Variants in SPAG17 observed in about 807,000 individuals in gnomAD.
SPAG17 encodes the protein sperm-associated antigen 17.
Under a neutral mutation model 273.6 loss-of-function variants are expected in SPAG17, and 169 were observed. The ratio of observed to expected loss-of-function variants is 0.62; its 90% CI spans 0.55 to 0.70. The LOEUF (loss-of-function observed/expected upper bound fraction) is 0.70. SPAG17 is among the 30% of genes least tolerant of loss of function. The pLI is 0.00. For missense variants in SPAG17, 2,557 were observed against 2,627.8 expected (o/e 0.97, Z 0.59); for synonymous variants, 825 against 873.2 (o/e 0.94, Z 0.97).
chr1:118,089,332 C>CGTGTGTGTGTGT (rs72374195), intron 10 of SPAG17, among the ~76,000 whole-genome samples: 13 of 135,978 alleles, frequency 9.6e-5, no homozygotes, highest in East Asian at 3.0e-4. Context: ...ATGTAGATGA[C>CGTGTGTGTGTGT]GTGTGTGTGT....
chr1:118,055,646 T>C, intron 19 of SPAG17, 87 bp downstream of exon 19: 1 of 1,162,554 alleles, frequency 8.6e-7, no homozygotes, highest in Non-Finnish European at 1.2e-6. Flanking sequence ...TTTTTAATAT[T>C]GAAAATATTC....
chr1:118,127,579 G>T lies in SPAG17; in HGVS notation c.316-12138C>A, dbSNP rs529350885. 7.2e-5 allele frequency among the ~76,000 whole-genome samples: 11 copies of T among 152,286 alleles called. No individual in the cohort carries two copies. The East Asian group carries it at 2.1e-3, about 29-fold the overall frequency. On this transcript the variant is annotated intron_variant, in intron 3 of 48. Coordinates refer to ENST00000336338, the MANE Select transcript of SPAG17 (RefSeq NM_206996.4). ...CCAGGCCCTGCCTCCAACAGTGGGG[G>T]TTATATTTCAACATGATATTTGGGT...
intron 4 of SPAG17, among the ~76,000 whole-genome samples, chr1:118,109,553 T>G (rs1474032137): frequency 1.7e-5 from 1 of 58,928 alleles, no homozygotes; most frequent in Non-Finnish European, 3.9e-5. Context: ...AAACTCTGTC[T>G]CAAAATAATA....
intron 3 of SPAG17, among the ~76,000 whole-genome samples, chr1:118,130,315 C>A (rs1657986945): frequency 6.6e-6 from 1 of 152,284 alleles, no homozygotes; most frequent in Middle Eastern, 3.4e-3. Context: ...CTGGGATCTA[C>A]CCCACAACTA....
intron 42 of SPAG17, 141 bp from the exon 43 acceptor site, chr1:117,981,542 A>G (rs1022794255): frequency 1.2e-6 from 1 of 820,590 alleles, no homozygotes; most frequent in Non-Finnish European, 1.8e-6. Context: ...TAGAAAGACT[A>G]AATATAAGAA....
At chr1:118,047,299 T>A (rs1022135268) in intron 20 of SPAG17, among the ~76,000 whole-genome samples, 1 of 152,112 alleles carries the variant, frequency 6.6e-6, no homozygotes, top group Non-Finnish European at 1.5e-5. Context: ...TACCCACACA[T>A]GAAAACACCT....
intron 32 of SPAG17, among the ~76,000 whole-genome samples, chr1:117,998,792 T>C (rs1657944968): frequency 6.6e-6 from 1 of 152,102 alleles, no homozygotes; most frequent in Non-Finnish European, 1.5e-5. Context: ...GCTGTATTCT[T>C]AGGTATTTTA....
chr1:118,101,618 T>C (rs1031477251), intron 5 of SPAG17, 122 bp downstream of exon 5: 18 of 919,590 alleles, frequency 2.0e-5, no homozygotes, highest in East Asian at 1.5e-4. Flanking sequence ...GCAAAATGAT[T>C]GTGGGGGAAT....
At chr1:117,954,664 A>G in intron 48 of SPAG17, 1 of 1,595,154 alleles carries the variant, frequency 6.3e-7, no homozygotes, top group Non-Finnish European at 8.6e-7. Flanking sequence ...TTTGTTTATT[A>G]AAAGGTTACT....
chr1:117,983,882 AG>A lies in SPAG17; in HGVS notation c.5800del (p.Leu1934CysfsTer24). The A allele has an allele frequency of 3.1e-6, 5 of 1,612,446 alleles. No individual in the cohort carries two copies. Among genetic ancestry groups the A allele is most frequent in the Non-Finnish European group, 4.2e-6 (5 of 1,179,018 alleles). The part of the protein sequence containing the change: ...YNHLDSLSKK[L>X]PSFTKKNEDA... ...TTCATTTTTCTTTGTAAAAGAAGGC[AG>A]TTTTTTGGAAAGACTGTCCAGGTGA... On this transcript the variant is annotated frameshift_variant, in exon 42 of 49. Transcript: ENST00000336338. LOFTEE classifies it high-confidence loss of function.
chr1:118,056,947 T>C (rs1322960299), intron 18 of SPAG17, among the ~76,000 whole-genome samples: 1 of 152,024 alleles, frequency 6.6e-6, no homozygotes, highest in African/African-American at 2.4e-5. Context: ...ACCCTGATGT[T>C]CTCCTTGATT....
intron 3 of SPAG17, among the ~76,000 whole-genome samples, chr1:118,143,967 G>A (rs1398799148): frequency 2.0e-5 from 3 of 152,160 alleles, no homozygotes; most frequent in Admixed American, 2.0e-4. Flanking sequence ...GCTTCCTGCT[G>A]CTGGATCCCC....
At position 118,086,736 on chromosome 1, in the gene SPAG17, C is replaced by T. The variant is rs1367820088; in HGVS notation, c.1546G>A (p.Val516Met). 3 of 1,614,142 alleles carry T rather than the reference C, an allele frequency of 1.9e-6. No homozygotes were observed. In the African/African-American group the frequency reaches 4.0e-5, roughly 22 times the overall value. Residue 516 changes from valine to methionine, a missense_variant, in exon 12 of 49, where the codon GTG (valine) becomes ATG (methionine). Coordinates refer to ENST00000336338, the MANE Select transcript of SPAG17 (RefSeq NM_206996.4). ...TTCAGTAGGAGGGGGCCTTTGGGCA[C>T]TGCTTTGCTTTCATTTTCTTCTTCA... is the stretch of plus-strand genomic sequence containing the variant. The part of the protein sequence containing the change: ...LSEEENESKA[V>M]PKGPLLLNYH...
rs766182330 is a variant in SPAG17 at position 117,963,889 on chromosome 1, C to T, written c.6582G>A (p.Gln2194=). The change falls in exon 48 of 49, where the codon CAG becomes CAA. Residue 2194 remains glutamine (Q), a synonymous_variant. Coordinates refer to ENST00000336338, the MANE Select transcript of SPAG17 (RefSeq NM_206996.4). The stretch of plus-strand genomic sequence containing the variant: ...TCTGGACCATTGGATTTTCTTTTCC[C>T]TGGGGAAAGTCTTTTGGTCGTTTAT... ...NYDKRPKDFP[Q]GKENPMVQRT... The T allele has an allele frequency of 1.9e-5, 31 of 1,613,748 alleles. No individual in the cohort carries two copies. In the South Asian group the frequency reaches 3.4e-4, roughly 18 times the overall value.
intron 19 of SPAG17, among the ~76,000 whole-genome samples, chr1:118,055,039 A>G (rs1651501597): frequency 6.6e-6 from 1 of 152,140 alleles, no homozygotes; most frequent in African/African-American, 2.4e-5. Flanking sequence ...ATTATTTTCT[A>G]GATGAATTAT....
intron 4 of SPAG17, among the ~76,000 whole-genome samples, chr1:118,105,732 G>A (rs1446824116): frequency 6.6e-6 from 1 of 152,116 alleles, no homozygotes; most frequent in Admixed American, 6.6e-5. Flanking sequence ...TGGAGGTGAT[G>A]AGGGCTTCAG....
intron 21 of SPAG17, 142 bp from the exon 22 acceptor site, chr1:118,040,983 G>A (rs1649687706): frequency 6.1e-6 from 4 of 654,684 alleles, no homozygotes; most frequent in Non-Finnish European, 1.1e-5. Flanking sequence ...AGAGGCCAGT[G>A]TTCATATTAT....
intron 41 of SPAG17, 32 bp downstream of exon 41, chr1:117,984,651 T>C (rs1474584657): frequency 4.4e-6 from 6 of 1,364,404 alleles, no homozygotes; most frequent in Non-Finnish European, 5.1e-6. Flanking sequence ...ATAAAAACTT[T>C]TATTAGATTA....
intron 48 of SPAG17, chr1:117,958,872 C>A: frequency 1.3e-6 from 2 of 1,566,792 alleles, no homozygotes; most frequent in South Asian, 1.1e-5. Flanking sequence ...AGGGCTAGAA[C>A]CTCTCTGCAA....
Sources: gnomAD v4.1 joint callset for allele counts (sites outside exome capture counted in the v4.1 genomes callset) on GRCh38, gnomAD v4.1.1 for gene constraint, MANE v1.5 for transcripts, NCBI Gene and HGNC (gene_info 2026-07-23, HGNC 2026-07-21) for gene names.